ARHGAP6: variants seen among roughly 807,000 people sequenced by gnomAD.
ARHGAP6 encodes the protein Rho GTPase activating protein 6.
Under a neutral mutation model 55.7 loss-of-function variants are expected in ARHGAP6, and 16 were observed. The observed-to-expected ratio is 0.29, with a 90% CI of 0.19 to 0.44. The LOEUF is 0.44. Among genes scored for constraint, ARHGAP6 ranks in the 20% least tolerant of loss-of-function variants. The pLI is 1.00. For synonymous variants in ARHGAP6, 382 were observed against 360.9 expected, an observed-to-expected ratio of 1.06 and a Z score of -0.66; for missense variants, 698 against 808.9, an observed-to-expected ratio of 0.86 and a Z score of 1.66.
intron 1 of ARHGAP6, among the ~76,000 whole-genome samples, chrX:11,326,214 C>T (rs1486258448): frequency 2.8e-5 from 3 of 108,361 alleles, no homozygotes; most frequent in Non-Finnish European, 5.7e-5. Flanking sequence ...CTGCAACCTC[C>T]GCCTCCTGGG....
At chrX:11,478,029 T>A (rs1328846402) in intron 1 of ARHGAP6, among the ~76,000 whole-genome samples, 1 of 111,918 alleles carries the variant, frequency 8.9e-6, no homozygotes, top group African/African-American at 3.2e-5. Flanking sequence ...AAAAGAGATA[T>A]AAATGCATAC....
At chrX:11,165,019 T>C (rs909033433) in intron 9 of ARHGAP6, among the ~76,000 whole-genome samples, 4 of 112,344 alleles carry the variant, frequency 3.6e-5, no homozygotes, top group Non-Finnish European at 7.5e-5. Flanking sequence ...TGATTTCCAG[T>C]GCTCCCACAG....
chrX:11,590,913 A>AGAAG (rs2051820203), intron 1 of ARHGAP6, among the ~76,000 whole-genome samples: 1 of 99,641 alleles, frequency 1.0e-5, no homozygotes, highest in Non-Finnish European at 2.0e-5. Flanking sequence ...AAAGAAAGAA[A>AGAAG]GAAAAGAAAA....
Position 11,456,454 on chromosome X carries a change from G to A in ARHGAP6, c.589-201747C>T, listed in dbSNP as rs190198445. On this transcript the variant is annotated intron_variant, in intron 1 of 12. Coordinates refer to ENST00000337414, the MANE Select transcript of ARHGAP6 (RefSeq NM_013427.3). ...GTCATTAAAAGAATGTGACAAGGGT[G>A]AAAGAACAAAGAAAACTTTGAAATG... Among the ~76,000 whole-genome samples the A allele has an allele frequency of 5.4e-4, 61 of 112,061 alleles. No homozygotes were observed. In the South Asian group the frequency reaches 8.2e-3, roughly 15 times the overall value.
At chrX:11,539,879 G>A (rs1197180068) in intron 1 of ARHGAP6, among the ~76,000 whole-genome samples, 3 of 111,706 alleles carry the variant, frequency 2.7e-5, no homozygotes, top group Non-Finnish European at 5.6e-5. Context: ...GCTTAATGGA[G>A]ATAACTAGCC....
Position 11,577,040 on chromosome X carries a change from C to G in ARHGAP6, c.588+87201G>C, listed in dbSNP as rs2051607503. Among the ~76,000 whole-genome samples, 3 of 112,172 alleles carry G rather than the reference C, an allele frequency of 2.7e-5. No homozygotes were observed. The Admixed American group carries it at 2.8e-4, about 11-fold the overall frequency. On this transcript the variant is annotated intron_variant, in intron 1 of 12. Coordinates refer to ENST00000337414, the MANE Select transcript of ARHGAP6 (RefSeq NM_013427.3). The stretch of plus-strand genomic sequence containing the variant: ...CCTTCTCTGAATCTGACTCCCTTGC[C>G]TCCCTCCTTCACCTATGAGAGCCCT...
chrX:11,182,641 T>TC (rs1190750015), intron 5 of ARHGAP6, among the ~76,000 whole-genome samples: 1 of 102,650 alleles, frequency 9.7e-6, no homozygotes, highest in African/African-American at 3.6e-5. Flanking sequence ...TTTTCTTTTT[T>TC]TTTTTTTTTT....
intron 1 of ARHGAP6, among the ~76,000 whole-genome samples, chrX:11,460,514 T>C (rs1339768971): frequency 1.8e-5 from 2 of 111,405 alleles, no homozygotes; most frequent in Non-Finnish European, 3.8e-5. Flanking sequence ...GGATAATGTA[T>C]GTGTGCTATT....
chrX:11,403,993 G>A (rs754616270), intron 1 of ARHGAP6, among the ~76,000 whole-genome samples: 10 of 112,234 alleles, frequency 8.9e-5, no homozygotes, highest in Non-Finnish European at 1.7e-4. Context: ...GAAAGGCCAG[G>A]TCTGCACAAG....
chrX:11,386,202 C>G (rs2049326448), intron 1 of ARHGAP6, among the ~76,000 whole-genome samples: 1 of 112,942 alleles, frequency 8.9e-6, no homozygotes, highest in Non-Finnish European at 1.9e-5. Flanking sequence ...ACCTGAGATG[C>G]CTTTTTGCAA....
At chrX:11,527,015 T>A (rs1307399160) in intron 1 of ARHGAP6, among the ~76,000 whole-genome samples, 2 of 79,097 alleles carry the variant, frequency 2.5e-5, no homozygotes, top group African/African-American at 1.3e-4. Flanking sequence ...ATGAGGAGTG[T>A]GTGTGTGTGT....
rs947458327 is a variant in ARHGAP6, at chrX:11,183,438, G to A, written c.1274-1320C>T. On this transcript the variant is annotated intron_variant, in intron 5 of 12. Transcript: ENST00000337414. Reference sequence around the variant, plus strand: ...TCCTAGATGTGAAAATATAGTGTCAGTGCTGAGGTTGAGAAACTCATTTCT... The same window carrying A: ...TCCTAGATGTGAAAATATAGTGTCAATGCTGAGGTTGAGAAACTCATTTCT... Among the ~76,000 whole-genome samples the A allele has an allele frequency of 7.2e-5, 8 of 111,773 alleles. 1 individual carries two copies. Among genetic ancestry groups the A allele is most frequent in the Non-Finnish European group, 1.3e-4 (7 of 53,203 alleles).
intron 1 of ARHGAP6, among the ~76,000 whole-genome samples, chrX:11,534,368 C>G (rs1336154681): frequency 2.7e-5 from 3 of 111,314 alleles, no homozygotes; most frequent in Non-Finnish European, 5.7e-5. Context: ...ATTGGGCTCC[C>G]AGTACCCTAT....
At chrX:11,397,787 G>T (rs2049495421) in intron 1 of ARHGAP6, among the ~76,000 whole-genome samples, 1 of 111,815 alleles carries the variant, frequency 8.9e-6, no homozygotes, top group Non-Finnish European at 1.9e-5. Flanking sequence ...GGAGGCTGAG[G>T]TGGGAGGATC....
chrX:11,601,353 G>C (rs760934758), intron 1 of ARHGAP6, among the ~76,000 whole-genome samples: 2 of 111,164 alleles, frequency 1.8e-5, no homozygotes, highest in Non-Finnish European at 3.8e-5. Flanking sequence ...AGGAAGTAGA[G>C]CTGGAGAGAG....
intron 1 of ARHGAP6, among the ~76,000 whole-genome samples, chrX:11,614,858 C>T (rs2052144945): frequency 9.0e-6 from 1 of 110,956 alleles, no homozygotes; most frequent in Admixed American, 9.5e-5. Flanking sequence ...AATAGGATAT[C>T]TGTGCTATGT....
intron 1 of ARHGAP6, among the ~76,000 whole-genome samples, chrX:11,620,643 A>G (rs2147163780): frequency 8.9e-6 from 1 of 112,238 alleles, no homozygotes; most frequent in African/African-American, 3.2e-5. Context: ...GGAAGCTAAC[A>G]TCAGACATTG....
chrX:11,269,151 A>G (rs963969885), intron 1 of ARHGAP6, among the ~76,000 whole-genome samples: 1 of 111,482 alleles, frequency 9.0e-6, no homozygotes, highest in African/African-American at 3.3e-5. Context: ...TATCTGATAT[A>G]GCAGCTGACC....
At chrX:11,522,158 G>T (rs2050936472) in intron 1 of ARHGAP6, among the ~76,000 whole-genome samples, 1 of 111,528 alleles carries the variant, frequency 9.0e-6, no homozygotes, top group Non-Finnish European at 1.9e-5. Flanking sequence ...CGAAATGAAG[G>T]CAGAAATAAA....
Sources: allele counts gnomAD v4.1 joint callset (sites outside exome capture counted in the v4.1 genomes callset), GRCh38; gene constraint gnomAD v4.1.1; transcripts MANE v1.5; gene names NCBI Gene and HGNC (gene_info 2026-07-23, HGNC 2026-07-21).